CERS3: variants seen among roughly 807,000 people sequenced by gnomAD.
CERS3 encodes the protein LAG1 homolog, ceramide synthase 3.
Under a neutral mutation model 50.3 loss-of-function variants are expected in CERS3, and 33 were observed. The observed-to-expected ratio is 0.66, with a 90% CI of 0.50 to 0.88. CERS3 has a LOEUF of 0.88. CERS3 is among the 40% of genes least tolerant of loss of function. CERS3 has a pLI of 0.00. For synonymous variants in CERS3, 176 were observed against 155.2 expected (o/e 1.13, Z -0.99); for missense variants, 470 against 460.3 (o/e 1.02, Z -0.19).
chr15:100,530,801 G>C (rs1012691997), upstream of CERS3, among the ~76,000 whole-genome samples: 4 of 152,188 alleles, frequency 2.6e-5, no homozygotes, highest in African/African-American at 9.7e-5. Flanking sequence ...TGGGGAACCA[G>C]GCTGGGAACA....
intron 11 of CERS3, among the ~76,000 whole-genome samples, chr15:100,435,986 G>A (rs2033385256): frequency 6.6e-6 from 1 of 152,206 alleles, no homozygotes; most frequent in Non-Finnish European, 1.5e-5. Context: ...AGATGCTGGT[G>A]AGGCTGTGGA....
chr15:100,409,688 T>G (rs368383256), intron 11 of CERS3, among the ~76,000 whole-genome samples: 19 of 152,316 alleles, frequency 1.2e-4, no homozygotes, highest in African/African-American at 4.6e-4. Flanking sequence ...TTTCTTTGAA[T>G]CTACTGGCCT....
intron 2 of CERS3, among the ~76,000 whole-genome samples, chr15:100,513,406 C>T (rs777745685): frequency 2.4e-4 from 37 of 152,148 alleles, no homozygotes; most frequent in Non-Finnish European, 4.1e-4. Flanking sequence ...TGCAGGAGGG[C>T]CCGGGGCGGT....
chr15:100,464,304 A>T (rs2034642770), intron 10 of CERS3, among the ~76,000 whole-genome samples: 1 of 152,248 alleles, frequency 6.6e-6, no homozygotes, highest in South Asian at 2.1e-4. Flanking sequence ...CACATGAAAC[A>T]GGGTTAGACA....
intron 2 of CERS3, among the ~76,000 whole-genome samples, chr15:100,515,890 C>T (rs563195943): frequency 6.6e-6 from 1 of 151,818 alleles, no homozygotes; most frequent in African/African-American, 2.4e-5. Flanking sequence ...ACATCTTGCT[C>T]CTCTTCACTG....
chr15:100,450,888 A>G (rs140774959), intron 11 of CERS3, among the ~76,000 whole-genome samples: 53 of 152,270 alleles, frequency 3.5e-4, no homozygotes, highest in African/African-American at 1.2e-3. Context: ...ATGGGATGAT[A>G]TGGCCATAGT....
At chr15:100,518,842 G>A (rs1394697306) in intron 2 of CERS3, among the ~76,000 whole-genome samples, 2 of 152,160 alleles carry the variant, frequency 1.3e-5, no homozygotes, top group Admixed American at 1.3e-4. Context: ...AATGCTTTCT[G>A]TAAGACTTAT....
At position 100,400,494 on chromosome 15, in the gene CERS3, T is replaced by C. The variant is rs1334876679; in HGVS notation, c.*2219A>G. The C allele has an allele frequency of 2.6e-5, 4 of 152,208 alleles. No individual in the cohort carries two copies. Among genetic ancestry groups the C allele is most frequent in the African/African-American group, 4.8e-5 (2 of 41,450 alleles). 9.4% of individuals were successfully genotyped at this position (152,208 alleles called of 1,614,324 possible). ...GGTCATCTGAAGAATCCTGAGCCCTTGTTTCCTGTAGAAAGAGTGGTTTCC... is the reference window on the plus strand; with the variant it reads ...GGTCATCTGAAGAATCCTGAGCCCTCGTTTCCTGTAGAAAGAGTGGTTTCC... On this transcript the variant is annotated 3_prime_UTR_variant, in exon 12 of 12. Coordinates refer to ENST00000679737, the MANE Select transcript of CERS3 (RefSeq NM_001378789.1).
intron 11 of CERS3, among the ~76,000 whole-genome samples, chr15:100,425,689 C>A (rs1298543122): frequency 6.6e-6 from 1 of 152,114 alleles, no homozygotes; most frequent in Non-Finnish European, 1.5e-5. Flanking sequence ...TGAGTTAATG[C>A]TAAAATGAGT....
intron 2 of CERS3, among the ~76,000 whole-genome samples, chr15:100,512,330 T>TG: frequency 6.6e-6 from 1 of 152,308 alleles, no homozygotes; most frequent in South Asian, 2.1e-4. Flanking sequence ...GAAAGGGTTT[T>TG]GCTTTTGAGA....
At chr15:100,505,887 C>T (rs144923566) in intron 2 of CERS3, among the ~76,000 whole-genome samples, 148 of 152,244 alleles carry the variant, frequency 9.7e-4, no homozygotes, top group Non-Finnish European at 1.7e-3. Context: ...TGGTGGCATG[C>T]GCCTGTAATC....
chr15:100,543,838 G>A lies in CERS3; in HGVS notation c.-355+813C>T, dbSNP rs1403387321. On this transcript the variant is annotated intron_variant, in intron 1 of 12. Coordinates refer to the CERS3 transcript ENST00000284382. ...TGCCACCGCACGTGGCTGTGGGTGG[G>A]TGCCTTTCTTACCTTTGAGGTCCTA... Among the ~76,000 whole-genome samples, 3 of 152,090 alleles carry A rather than the reference G, an allele frequency of 2.0e-5. No homozygotes were observed. In the East Asian group the frequency reaches 5.8e-4, roughly 29 times the overall value.
intron 1 of CERS3, among the ~76,000 whole-genome samples, chr15:100,539,549 T>C (rs2037150872): frequency 6.6e-6 from 1 of 152,042 alleles, no homozygotes; most frequent in Admixed American, 6.6e-5. Flanking sequence ...AAGTGCTGAG[T>C]GAAGTGGAGA....
intron 11 of CERS3, among the ~76,000 whole-genome samples, chr15:100,418,626 C>T (rs1302681255): frequency 5.1e-5 from 7 of 138,184 alleles, no homozygotes; most frequent in African/African-American, 8.0e-5. Flanking sequence ...AGACACATAA[C>T]TGTCAGATTC....
At chr15:100,484,760 G>A (rs1228830301) in intron 4 of CERS3, 92 bp from the exon 5 acceptor site, 5 of 901,680 alleles carry the variant, frequency 5.5e-6, no homozygotes, top group Admixed American at 3.7e-5. Flanking sequence ...CAAGAGCTTC[G>A]GTACTGGGGA....
chr15:100,417,092 A>T (rs1364570137), intron 11 of CERS3, among the ~76,000 whole-genome samples: 1 of 152,230 alleles, frequency 6.6e-6, no homozygotes, highest in East Asian at 1.9e-4. Flanking sequence ...AGATGTCCGA[A>T]TAGGAACAGC....
At chr15:100,504,239 C>CTTTTTT (rs55640205) in intron 2 of CERS3, among the ~76,000 whole-genome samples, 2 of 109,970 alleles carry the variant, frequency 1.8e-5, no homozygotes, top group African/African-American at 3.5e-5. Flanking sequence ...TTGGACTATT[C>CTTTTTT]TTTTTTTTTT....
At chr15:100,403,985 T>C (rs988719732) in intron 11 of CERS3, among the ~76,000 whole-genome samples, 2 of 152,176 alleles carry the variant, frequency 1.3e-5, no homozygotes, top group African/African-American at 2.4e-5. Flanking sequence ...GGGCCCTCTA[T>C]GGCATCACAA....
At chr15:100,508,788 C>T (rs898190880) in intron 2 of CERS3, among the ~76,000 whole-genome samples, 1 of 152,112 alleles carries the variant, frequency 6.6e-6, no homozygotes, top group Admixed American at 6.6e-5. Context: ...TACTTATTTA[C>T]CCCCGGGTCA....
Sources: gnomAD v4.1 joint callset for allele counts (sites outside exome capture counted in the v4.1 genomes callset) on GRCh38, gnomAD v4.1.1 for gene constraint, MANE v1.5 for transcripts, NCBI Gene and HGNC (gene_info 2026-07-23, HGNC 2026-07-21) for gene names.